ZNF92: variants seen among roughly 807,000 people sequenced by gnomAD.
ZNF92 encodes zinc finger protein 92.
ZNF92 carries 11 observed loss-of-function variants against 12.4 expected under a neutral mutation model. The ratio of observed to expected loss-of-function variants is 0.89; its 90% CI spans 0.56 to 1.47. The LOEUF is 1.47. Among genes scored for constraint, ZNF92 ranks in the 40% most tolerant of loss-of-function variants. The pLI is 0.00. For synonymous variants in ZNF92, 206 were observed against 228.6 expected (o/e 0.90, Z 0.89); for missense variants, 622 against 681.0 (o/e 0.91, Z 0.96).
intron 1 of ZNF92, among the ~76,000 whole-genome samples, chr7:65,385,728 G>A (rs1303275967): frequency 2.0e-5 from 3 of 152,180 alleles, no homozygotes; most frequent in East Asian, 1.9e-4. Flanking sequence ...TGTGGGTGTG[G>A]TGGTAGCAGG....
rs141621837 is a variant in ZNF92, at chr7:65,389,954, G to A, written c.226+1053G>A. On this transcript the variant is annotated intron_variant, in intron 3 of 3. Coordinates refer to ENST00000328747, the MANE Select transcript of ZNF92 (RefSeq NM_152626.4). Reference sequence around the variant, plus strand: ...TCACACCATTCTCCTGCCTCAGCCTGCCAAGTAGCTGGGACTACAGGTGCG... The same window carrying A: ...TCACACCATTCTCCTGCCTCAGCCTACCAAGTAGCTGGGACTACAGGTGCG... Among the ~76,000 whole-genome samples, 1,287 of 151,676 alleles carry A rather than the reference G, an allele frequency of 8.5e-3. 17 individuals carry two copies. The highest frequency in any genetic ancestry group is 0.029 in the African/African-American group (1,209 of 41,322).
At chr7:65,397,865 CT>C (rs1171279599) in intron 3 of ZNF92, among the ~76,000 whole-genome samples, 4 of 152,168 alleles carry the variant, frequency 2.6e-5, no homozygotes, top group Non-Finnish European at 5.9e-5. Context: ...AGCAGACAAA[CT>C]GTCATTCCAA....
chr7:65,376,086 G>C (rs966619982), intron 1 of ZNF92, among the ~76,000 whole-genome samples: 1 of 151,572 alleles, frequency 6.6e-6, no homozygotes, highest in African/African-American at 2.4e-5. Context: ...CTAGTGTTTT[G>C]TATTTTAGTA....
At chr7:65,391,652 G>T (rs1793717444) in intron 3 of ZNF92, among the ~76,000 whole-genome samples, 1 of 151,850 alleles carries the variant, frequency 6.6e-6, no homozygotes, top group Non-Finnish European at 1.5e-5. Context: ...TCTTTATTTG[G>T]CAACGTAAGG....
In ZNF92 at chr7:65,388,043, A is replaced by C; in HGVS notation, c.130+15A>C. ...GGTCTTCCTTGGTGAGGATAACTTC[A>C]ATACACAATACACAATGCTCTAAAA... On this transcript the variant is annotated intron_variant, in intron 2 of 3. Transcript: ENST00000328747. The C allele has an allele frequency of 6.3e-7, 1 of 1,576,450 alleles. No homozygotes were observed. The highest frequency in any genetic ancestry group is 1.2e-5 in the South Asian group (1 of 85,800).
intron 3 of ZNF92, 152 bp downstream of exon 3, chr7:65,389,053 A>T: frequency 2.0e-6 from 1 of 507,310 alleles, no homozygotes; most frequent in Non-Finnish European, 3.3e-6. Context: ...TCTGCCTCCC[A>T]GGTTCAAGCG....
At chr7:65,375,303 G>A (rs1027183166) in intron 1 of ZNF92, among the ~76,000 whole-genome samples, 3 of 152,024 alleles carry the variant, frequency 2.0e-5, no homozygotes, top group Non-Finnish European at 4.4e-5. Flanking sequence ...ACCTACCATG[G>A]CAATGTCGCT....
rs764204295 is a variant in ZNF92, at chr7:65,398,677, TAACTC to T, written c.567_571del (p.Gln190Ter). On this transcript the variant is annotated frameshift_variant, in exon 4 of 4. Transcript: ENST00000328747. LOFTEE classifies it low-confidence loss of function (END_TRUNC). ...AAATCATTTTGCATGCTTTCACAAT[TAACTC>T]AACATAAGAAAATTCATACTAGAGA... 24 of 1,611,240 alleles carry T rather than the reference TAACTC, an allele frequency of 1.5e-5. No individual in the cohort carries two copies. Among genetic ancestry groups the T allele is most frequent in the African/African-American group, 6.7e-5 (5 of 74,714 alleles).
At chr7:65,375,908 G>A (rs1358287299) in intron 1 of ZNF92, among the ~76,000 whole-genome samples, 2 of 151,866 alleles carry the variant, frequency 1.3e-5, no homozygotes, top group Non-Finnish European at 2.9e-5. Context: ...TACACCTGGG[G>A]TATAGTGTCT....
intron 3 of ZNF92, among the ~76,000 whole-genome samples, chr7:65,391,578 A>G (rs1793709550): frequency 6.6e-6 from 1 of 152,130 alleles, no homozygotes; most frequent in African/African-American, 2.4e-5. Flanking sequence ...AACATAATGT[A>G]TCCCCCAAAT....
At chr7:65,384,280 G>A (rs1187273540) in intron 1 of ZNF92, among the ~76,000 whole-genome samples, 2 of 151,538 alleles carry the variant, frequency 1.3e-5, no homozygotes, top group Non-Finnish European at 2.9e-5. Context: ...AAAACAGAAC[G>A]GAAATACCCC....
chr7:65,399,176 A>C lies in ZNF92; in HGVS notation c.1062A>C (p.Ser354=), dbSNP rs963318571. The C allele has an allele frequency of 3.7e-6, 6 of 1,613,428 alleles. No homozygotes were observed. In the Admixed American group the frequency reaches 1.0e-4, roughly 27 times the overall value. Residue 354 remains serine (S), a synonymous_variant, in exon 4 of 4, where the codon TCA becomes TCC. Transcript: ENST00000328747. ...GTGGCAAAGCCTTTAACCAGTTCTC[A>C]AACCTTACTAAACATAAGATAATTC... ...EECGKAFNQF[S]NLTKHKIIHT...
intron 2 of ZNF92, 71 bp from the exon 3 acceptor site, chr7:65,388,735 C>T (rs1331170695): frequency 2.1e-5 from 27 of 1,266,022 alleles, no homozygotes; most frequent in Non-Finnish European, 2.9e-5. Flanking sequence ...ATCCTCTTTA[C>T]TGAGCATATT....
rs961181286 is a variant in ZNF92 at position 65,392,614 on chromosome 7, G to A, written c.226+3713G>A. On this transcript the variant is annotated intron_variant, in intron 3 of 3. Coordinates refer to ENST00000328747, the MANE Select transcript of ZNF92 (RefSeq NM_152626.4). ...TACAATGGTGTCATCTCAGCTCACC[G>A]TAACCTCCGCCTCCTGAGTTCAAGT... 6.0e-5 allele frequency among the ~76,000 whole-genome samples: 9 copies of A among 150,464 alleles called. No individual in the cohort carries two copies. The East Asian group carries it at 1.2e-3, about 20-fold the overall frequency.
At chr7:65,381,382 ACTTG>A (rs1353050812) in intron 1 of ZNF92, among the ~76,000 whole-genome samples, 1 of 151,650 alleles carries the variant, frequency 6.6e-6, no homozygotes, top group East Asian at 1.9e-4. Flanking sequence ...TTTCTTGTAA[ACTTG>A]CTTAAGTTCC....
intron 1 of ZNF92, among the ~76,000 whole-genome samples, chr7:65,375,649 A>G (rs1793217909): frequency 6.6e-6 from 1 of 151,858 alleles, no homozygotes; most frequent in Non-Finnish European, 1.5e-5. Context: ...GGAGATCGAG[A>G]CCATCCTGGC....
At chr7:65,375,623 C>A (rs762937572) in intron 1 of ZNF92, among the ~76,000 whole-genome samples, 2 of 151,620 alleles carry the variant, frequency 1.3e-5, no homozygotes, top group Admixed American at 1.3e-4. Flanking sequence ...CCAAAAGATA[C>A]AACAAAACCT....
At chr7:65,380,577 G>A (rs1793381142) in intron 1 of ZNF92, among the ~76,000 whole-genome samples, 1 of 152,144 alleles carries the variant, frequency 6.6e-6, no homozygotes, top group African/African-American at 2.4e-5. Context: ...CAACCACAAT[G>A]TATTTTCTTT....
intron 1 of ZNF92, among the ~76,000 whole-genome samples, chr7:65,374,859 A>ACC (rs1166790231): frequency 6.6e-6 from 1 of 151,788 alleles, no homozygotes; most frequent in South Asian, 2.1e-4. Context: ...TCTCAAGTCT[A>ACC]CCCCCCATCC....
Sources: allele counts gnomAD v4.1 joint callset (sites outside exome capture counted in the v4.1 genomes callset), GRCh38; gene constraint gnomAD v4.1.1; transcripts MANE v1.5; gene names NCBI Gene and HGNC (gene_info 2026-07-23, HGNC 2026-07-21).